AMZ1: variants seen among roughly 807,000 people sequenced by gnomAD.
AMZ1 encodes the protein archaelysin family metallopeptidase 1.
AMZ1 carries 39 observed loss-of-function variants against 29.9 expected under a neutral mutation model. The observed-to-expected ratio is 1.30, with a 90% CI of 1.01 to 1.70. AMZ1 has a LOEUF of 1.70. Among genes scored for constraint, AMZ1 ranks in the 40% most tolerant of loss-of-function variants. AMZ1 has a pLI of 0.00. For missense variants in AMZ1, 1,041 were observed against 680.6 expected (o/e 1.53, Z -5.89); for synonymous variants, 458 against 304.0 (o/e 1.51, Z -5.27).
intron 4 of AMZ1, among the ~76,000 whole-genome samples, chr7:2,749,672 TA>T (rs963682737): frequency 2.5e-4 from 38 of 149,838 alleles, no homozygotes; most frequent in African/African-American, 7.1e-4. Context: ...AATAATAAAA[TA>T]AAAAAAAAGA....
Position 2,731,124 on chromosome 7 carries a change from G to A in AMZ1, n.550+21308G>A. 8.4e-7 allele frequency: 1 copy of A among 1,191,688 alleles called. No individual in the cohort carries two copies. 73.8% of individuals were successfully genotyped at this position (1,191,688 alleles called of 1,614,324 possible). On this transcript the variant is annotated intron_variant and non_coding_transcript_variant, in intron 4 of 4. Coordinates refer to the AMZ1 transcript ENST00000489665. The surrounding 1 kb of genome is among the most constrained non-coding windows in gnomAD (Gnocchi z 6.0). Reference sequence around the variant, plus strand: ...CCACACAGACAACACACACCCAAGAGTCTGACCGACAGCCGTGGGGGCTGC... The same window carrying A: ...CCACACAGACAACACACACCCAAGAATCTGACCGACAGCCGTGGGGGCTGC...
chr7:2,679,710 T>C (rs1464466050), intron 1 of AMZ1: 2 of 152,476 alleles, frequency 1.3e-5, no homozygotes, highest in Non-Finnish European at 2.9e-5. Flanking sequence ...CCGGGAGGGT[T>C]CTGGGAAGAG....
Position 2,731,378 on chromosome 7 carries a change from A to C in AMZ1, n.550+21562A>C. On this transcript the variant is annotated intron_variant and non_coding_transcript_variant, in intron 4 of 4. Transcript: ENST00000489665. The surrounding 1 kb of genome is among the most constrained non-coding windows in gnomAD (Gnocchi z 6.0). The stretch of plus-strand genomic sequence containing the variant: ...TCCAGCCTGTGCGGGTCGCCCCTGA[A>C]GTCCGGGAAGTGCTTCTTGATGCTC... 6.2e-7 allele frequency: 1 copy of C among 1,613,386 alleles called. No homozygotes were observed. Among genetic ancestry groups the C allele is most frequent in the Non-Finnish European group, 8.5e-7 (1 of 1,179,568 alleles).
chr7:2,699,210 T>C lies in AMZ1; in HGVS notation c.-218-1024T>C, dbSNP rs916779198. 2.0e-5 allele frequency among the ~76,000 whole-genome samples: 3 copies of C among 152,132 alleles called. No individual in the cohort carries two copies. The South Asian group carries it at 6.2e-4, about 32-fold the overall frequency. On this transcript the variant is annotated intron_variant, in intron 1 of 6. Transcript: ENST00000683327. Reference sequence around the variant, plus strand: ...GTCTCACAGTCTCTGAACAGAGACATAAATGTAGCCCGGAACCAAGTGTGC... The same window carrying C: ...GTCTCACAGTCTCTGAACAGAGACACAAATGTAGCCCGGAACCAAGTGTGC...
At chr7:2,708,105 G>A (rs1434377567) in intron 3 of AMZ1, among the ~76,000 whole-genome samples, 2 of 152,156 alleles carry the variant, frequency 1.3e-5, no homozygotes, top group East Asian at 1.9e-4. Context: ...TCACAGGTGT[G>A]AGCCACTGTG....
chr7:2,696,463 T>G (rs376140407), intron 1 of AMZ1, among the ~76,000 whole-genome samples: 1 of 150,896 alleles, frequency 6.6e-6, no homozygotes, highest in African/African-American at 2.4e-5. Flanking sequence ...TTCACCATGT[T>G]AGCCAGGATG....
intron 4 of AMZ1, among the ~76,000 whole-genome samples, chr7:2,742,797 A>C (rs1790576257): frequency 6.6e-6 from 1 of 152,250 alleles, no homozygotes; most frequent in Admixed American, 6.5e-5. Context: ...GGTGCTTCTT[A>C]AATGGCATCT....
rs1461733072 is a variant in AMZ1, at chr7:2,731,891, A to G, written n.550+22075A>G. On this transcript the variant is annotated intron_variant and non_coding_transcript_variant, in intron 4 of 4. Transcript: ENST00000489665. This position sits in a 1 kb window ranked among gnomAD's most constrained non-coding sequence, Gnocchi z 6.0. ...GAACCAGAAACCAAAAGCAAATTTCATTTATAACATTATCAACTGGCCGTG... is the reference window on the plus strand; with the variant it reads ...GAACCAGAAACCAAAAGCAAATTTCGTTTATAACATTATCAACTGGCCGTG... The G allele has an allele frequency of 3.8e-6, 2 of 525,386 alleles. No individual in the cohort carries two copies. Among genetic ancestry groups the G allele is most frequent in the Non-Finnish European group, 6.7e-6 (2 of 299,160 alleles). 32.5% of individuals were successfully genotyped at this position (525,386 alleles called of 1,614,324 possible).
chr7:2,719,290 C>A lies in AMZ1; in HGVS notation c.*6412C>A, dbSNP rs768876486. Reference sequence around the variant, plus strand: ...GCACCACTTGGAGGCAGTTGTTTCACGTGGGGCTCTTGATGGCATAACCTG... The same window carrying A: ...GCACCACTTGGAGGCAGTTGTTTCAAGTGGGGCTCTTGATGGCATAACCTG... On this transcript the variant is annotated 3_prime_UTR_variant, in exon 7 of 7. Coordinates refer to ENST00000683327, the MANE Select transcript of AMZ1 (RefSeq NM_001384743.1). 7.9e-5 allele frequency among the ~76,000 whole-genome samples: 12 copies of A among 152,230 alleles called. No homozygotes were observed. The highest frequency in any genetic ancestry group is 1.6e-4 in the Non-Finnish European group (11 of 68,034).
chr7:2,686,802 C>A (rs372993562), upstream of AMZ1, among the ~76,000 whole-genome samples: 164 of 152,134 alleles, frequency 1.1e-3, no homozygotes, highest in African/African-American at 3.8e-3. Context: ...GCAACCTCCG[C>A]CTCCCGGGTT....
rs201858896 is a variant in AMZ1 at position 2,700,572 on chromosome 7, C to T, written c.121C>T (p.Arg41Trp). 5.0e-6 allele frequency: 8 copies of T among 1,610,090 alleles called. No individual in the cohort carries two copies. Among genetic ancestry groups the T allele is most frequent in the East Asian group, 2.2e-5 (1 of 44,870 alleles). Reference protein sequence around the residue: ...LYVSAFSPAERLFLAEAYNPQ... With the variant: ...LYVSAFSPAEWLFLAEAYNPQ... The stretch of plus-strand genomic sequence containing the variant: ...TGTGTCCGCCTTCTCCCCTGCCGAG[C>T]GGCTCTTCCTGGCCGAGGCCTACAA... Residue 41 changes from arginine to tryptophan, a missense_variant, in exon 2 of 7, where the codon CGG becomes TGG. Physicochemically the swap from Arg to Trp is moderately radical, Grantham distance 101 (BLOSUM62 -3). Coordinates refer to ENST00000683327, the MANE Select transcript of AMZ1 (RefSeq NM_001384743.1).
At chr7:2,721,995 G>A (rs1222173962), downstream of AMZ1, among the ~76,000 whole-genome samples, 2 of 152,206 alleles carry the variant, frequency 1.3e-5, no homozygotes, top group African/African-American at 2.4e-5. Context: ...TGGTGCTGGC[G>A]CTGTAGCGAC....
intron 1 of AMZ1, among the ~76,000 whole-genome samples, chr7:2,697,348 C>T (rs940795922): frequency 4.6e-5 from 7 of 152,104 alleles, no homozygotes; most frequent in East Asian, 1.9e-4. Flanking sequence ...CCAGCAGCCT[C>T]GGCCTCCCAA....
In AMZ1 at chr7:2,714,888, A is replaced by T. The variant is rs947857942; in HGVS notation, c.*2010A>T. On this transcript the variant is annotated 3_prime_UTR_variant, in exon 7 of 7. Transcript: ENST00000683327. Reference sequence around the variant, plus strand: ...AGCCAGACAGCAGGCTCCTGGTCCCAGTCCCGGAAAATGCAAAGGGACAAG... The same window carrying T: ...AGCCAGACAGCAGGCTCCTGGTCCCTGTCCCGGAAAATGCAAAGGGACAAG... 6.6e-6 allele frequency: 1 copy of T among 152,372 alleles called. No homozygotes were observed. The highest frequency in any genetic ancestry group is 2.4e-5 in the African/African-American group (1 of 41,448). The allele number at this position is 152,372 out of a possible 1,614,324, so 9.4% of individuals were successfully genotyped here. A position where few individuals can be genotyped will look rare whatever the true frequency, so the allele number is the denominator to read the frequency against.
chr7:2,752,798 T>C (rs1791101985), intron 4 of AMZ1, among the ~76,000 whole-genome samples: 1 of 152,354 alleles, frequency 6.6e-6, no homozygotes, highest in African/African-American at 2.4e-5. Flanking sequence ...TAGAGAGGTA[T>C]AGGTGGACCT....
chr7:2,708,744 T>G, intron 4 of AMZ1, 28 bp downstream of exon 4: 1 of 1,611,256 alleles, frequency 6.2e-7, no homozygotes, highest in Admixed American at 1.7e-5. Context: ...CAGCTGTGCG[T>G]GGGGGGTAGC....
At position 2,712,148 on chromosome 7, in the gene AMZ1, A is replaced by G. The variant is rs60129540; in HGVS notation, c.949-182A>G. On this transcript the variant is annotated intron_variant, in intron 6 of 6. Transcript: ENST00000683327. ...GGGGGTGGGTACCTCTGACTCTGGC[A>G]CAGCCTGGACATGAGTCCTCAAAGG... Among the ~76,000 whole-genome samples, 831 of 152,296 alleles carry G rather than the reference A, an allele frequency of 5.5e-3. 4 individuals carry two copies. Among genetic ancestry groups the G allele is most frequent in the African/African-American group, 0.018 (764 of 41,548 alleles).
At chr7:2,699,683 G>T (rs1787940175) in intron 1 of AMZ1, among the ~76,000 whole-genome samples, 1 of 152,166 alleles carries the variant, frequency 6.6e-6, no homozygotes, top group Admixed American at 6.5e-5. Flanking sequence ...AGATGATGGG[G>T]GCTCTGGGTA....
chr7:2,723,884 G>A (rs926078671), downstream of AMZ1, among the ~76,000 whole-genome samples: 2 of 152,138 alleles, frequency 1.3e-5, no homozygotes, highest in East Asian at 1.9e-4. Flanking sequence ...TCTCTGCGGC[G>A]ATAAACTTTC....
Sources: allele counts gnomAD v4.1 joint callset (sites outside exome capture counted in the v4.1 genomes callset), GRCh38; gene constraint gnomAD v4.1.1; non-coding constraint Gnocchi (gnomAD v3.1); transcripts MANE v1.5; gene names NCBI Gene and HGNC (gene_info 2026-07-23, HGNC 2026-07-21).